SCLT1: variants seen among roughly 807,000 people sequenced by gnomAD.
The protein encoded by SCLT1 is sodium channel-associated protein 1.
Under a neutral mutation model 112.8 loss-of-function variants are expected in SCLT1, and 78 were observed. That is an observed-to-expected ratio of 0.69 (90% CI 0.58 to 0.83). The LOEUF (loss-of-function observed/expected upper bound fraction) is 0.83. SCLT1 is among the 40% of genes least tolerant of loss of function. SCLT1 has a pLI of 0.00. For synonymous variants in SCLT1, 257 were observed against 254.7 expected, an observed-to-expected ratio of 1.01 and a Z score of -0.09; for missense variants, 747 against 770.4, an observed-to-expected ratio of 0.97 and a Z score of 0.36.
intron 16 of SCLT1, among the ~76,000 whole-genome samples, chr4:128,944,228 C>A (rs1737951507): frequency 6.6e-6 from 1 of 152,050 alleles, no homozygotes; most frequent in African/African-American, 2.4e-5. Flanking sequence ...TCTGTCTAAA[C>A]CTAGGCTGAT....
Position 128,884,331 on chromosome 4 carries a change from C to T in SCLT1, c.*146G>A. The stretch of plus-strand genomic sequence containing the variant: ...AGGAAGTGGTCACTGCTCTGTTTTC[C>T]AATAACCCTCAAAACAGAACAACAA... On this transcript the variant is annotated 3_prime_UTR_variant, in exon 21 of 21. Coordinates refer to ENST00000281142, the MANE Select transcript of SCLT1 (RefSeq NM_144643.4). The T allele has an allele frequency of 1.8e-6, 1 of 546,150 alleles. No homozygotes were observed. The highest frequency in any genetic ancestry group is 1.9e-5 in the African/African-American group (1 of 52,118). The allele number at this position is 546,150 out of a possible 1,614,324, so 33.8% of individuals were successfully genotyped here.
chr4:129,022,429 A>G (rs1335765665), intron 5 of SCLT1, among the ~76,000 whole-genome samples: 4 of 152,256 alleles, frequency 2.6e-5, no homozygotes, highest in Non-Finnish European at 5.9e-5. Flanking sequence ...TAACTAGAAT[A>G]ACCAGTTTAA....
At chr4:128,892,004 A>G (rs181193893) in intron 18 of SCLT1, among the ~76,000 whole-genome samples, 2 of 152,282 alleles carry the variant, frequency 1.3e-5, no homozygotes, top group Non-Finnish European at 2.9e-5. Context: ...ACTCTTAGAA[A>G]TTTAAGGAAA....
intron 5 of SCLT1, among the ~76,000 whole-genome samples, chr4:129,004,611 AATC>A (rs1378666683): frequency 6.6e-6 from 1 of 152,116 alleles, no homozygotes; most frequent in Admixed American, 6.5e-5. Context: ...TATTTCATAT[AATC>A]ATAAGCAGAA....
chr4:128,887,569 T>C, intron 20 of SCLT1, among the ~76,000 whole-genome samples: 1 of 152,168 alleles, frequency 6.6e-6, no homozygotes, highest in Non-Finnish European at 1.5e-5. Flanking sequence ...TTTGTTTTTG[T>C]TTTCTCGCCT....
At chr4:128,924,017 T>C (rs1219226650) in intron 18 of SCLT1, among the ~76,000 whole-genome samples, 1 of 152,056 alleles carries the variant, frequency 6.6e-6, no homozygotes, top group African/African-American at 2.4e-5. Flanking sequence ...TCTCACTCTG[T>C]TGCCCAGGTT....
intron 3 of SCLT1, among the ~76,000 whole-genome samples, chr4:128,877,272 G>A (rs538808002): frequency 2.6e-5 from 4 of 152,200 alleles, no homozygotes; most frequent in African/African-American, 9.6e-5. Flanking sequence ...TGAGGAAACT[G>A]AGGCACAGAG....
chr4:129,000,400 T>C (rs1007306251), intron 6 of SCLT1, among the ~76,000 whole-genome samples: 1 of 152,038 alleles, frequency 6.6e-6, no homozygotes, highest in Non-Finnish European at 1.5e-5. Flanking sequence ...CATTTTATAA[T>C]GATTTTATAA....
At chr4:128,900,053 A>G (rs1186720772) in intron 18 of SCLT1, among the ~76,000 whole-genome samples, 1 of 152,246 alleles carries the variant, frequency 6.6e-6, no homozygotes, top group Non-Finnish European at 1.5e-5. Flanking sequence ...AGAACATTCC[A>G]CACGCATGGG....
At chr4:129,006,577 G>GT (rs1560955424) in intron 5 of SCLT1, among the ~76,000 whole-genome samples, 1 of 151,086 alleles carries the variant, frequency 6.6e-6, no homozygotes, top group Admixed American at 6.6e-5. Flanking sequence ...CAGAAATATC[G>GT]TAATTGTCCC....
At chr4:128,895,866 G>A (rs1733706441) in intron 18 of SCLT1, among the ~76,000 whole-genome samples, 1 of 152,224 alleles carries the variant, frequency 6.6e-6, no homozygotes, top group Non-Finnish European at 1.5e-5. Context: ...AACAGTCTTA[G>A]CAAACGGCAC....
intron 5 of SCLT1, among the ~76,000 whole-genome samples, chr4:129,010,533 C>T (rs1257033080): frequency 2.0e-5 from 3 of 152,110 alleles, no homozygotes; most frequent in South Asian, 2.1e-4. Flanking sequence ...AATATTGATG[C>T]TTTCTATCCA....
chr4:129,090,198 A>G (rs1363544034), intron 1 of SCLT1, among the ~76,000 whole-genome samples: 1 of 152,192 alleles, frequency 6.6e-6, no homozygotes, highest in African/African-American at 2.4e-5. Context: ...AAGATACATC[A>G]ATGATGTACA....
chr4:128,986,294 G>A (rs575175936), intron 9 of SCLT1, among the ~76,000 whole-genome samples: 114 of 152,264 alleles, frequency 7.5e-4, no homozygotes, highest in African/African-American at 2.6e-3. Context: ...CCAGCCCCAG[G>A]CCAGAGAAGA....
In SCLT1 at chr4:128,958,355, G is replaced by A. The variant is rs73847310; in HGVS notation, c.1048-1231C>T. Among the ~76,000 whole-genome samples, 882 of 152,276 alleles carry A rather than the reference G, an allele frequency of 5.8e-3. 3 individuals are homozygous for A. The highest frequency in any genetic ancestry group is 0.017 in the Admixed American group (264 of 15,290). ...AGGCTGTACTTCCTGCCTTGTTTGT[G>A]TGATCGGCTGGGAGAACCTTTGACT... On this transcript the variant is annotated intron_variant, in intron 12 of 20. Coordinates refer to ENST00000281142, the MANE Select transcript of SCLT1 (RefSeq NM_144643.4).
At chr4:129,083,924 C>A (rs1752175716) in intron 1 of SCLT1, among the ~76,000 whole-genome samples, 1 of 151,932 alleles carries the variant, frequency 6.6e-6, no homozygotes, top group Non-Finnish European at 1.5e-5. Flanking sequence ...TGAAAATAAA[C>A]TCACAAAAAA....
At chr4:129,079,461 G>A (rs1180099028) in intron 2 of SCLT1, among the ~76,000 whole-genome samples, 1 of 152,160 alleles carries the variant, frequency 6.6e-6, no homozygotes, top group Non-Finnish European at 1.5e-5. Flanking sequence ...AACCCAGAAG[G>A]GCAGTCATTA....
chr4:128,957,058 C>T lies in SCLT1; in HGVS notation c.1114G>A (p.Val372Ile), dbSNP rs972254254. 2 of 1,599,480 alleles carry T rather than the reference C, an allele frequency of 1.3e-6. No individual in the cohort carries two copies. The highest frequency in any genetic ancestry group is 1.7e-6 in the Non-Finnish European group (2 of 1,170,988). ...TTGGTTCTTATGGTAGCATCTTGTA[C>T]AAACCGAGAAACTGTCTCTTTCATT... ...EKMKETVSRF[V>I]QDATIRTKKE... Residue 372 changes from valine (V) to isoleucine (I), a missense_variant, in exon 13 of 21, where the codon GTA (valine) becomes ATA (isoleucine). Around this residue, in one of 2 missense-constraint regions of SCLT1, gnomAD observed 723 missense variants for 721.3 expected, o/e 1.00. Coordinates refer to ENST00000281142, the MANE Select transcript of SCLT1 (RefSeq NM_144643.4).
In SCLT1 at chr4:128,970,672, G is replaced by A. The variant is rs183044514; in HGVS notation, c.687-204C>T. On this transcript the variant is annotated intron_variant, in intron 9 of 20. Coordinates refer to ENST00000281142, the MANE Select transcript of SCLT1 (RefSeq NM_144643.4). ...AGAGGAAAAAATATAGCTGAATGGCGAAGGGTATGAAGTAGAGGTCATGAA... is the reference window on the plus strand; with the variant it reads ...AGAGGAAAAAATATAGCTGAATGGCAAAGGGTATGAAGTAGAGGTCATGAA... The A allele has an allele frequency of 1.2e-4, 63 of 511,256 alleles. 1 individual carries two copies. The highest frequency in any genetic ancestry group is 1.5e-4 in the Non-Finnish European group (43 of 287,884). The allele number at this position is 511,256 out of a possible 1,614,324, so 31.7% of individuals were successfully genotyped here. A position where few individuals can be genotyped will look rare whatever the true frequency, so the allele number is the denominator to read the frequency against.
Sources: allele counts gnomAD v4.1 joint callset (sites outside exome capture counted in the v4.1 genomes callset), GRCh38; gene constraint gnomAD v4.1.1; regional missense constraint gnomAD v4.1.1; transcripts MANE v1.5; gene names NCBI Gene and HGNC (gene_info 2026-07-23, HGNC 2026-07-21).